Variants in EFCAB5 observed in about 807,000 individuals in gnomAD.
EFCAB5 encodes the protein EF-hand calcium-binding domain-containing protein 5.
EFCAB5 carries 131 observed loss-of-function variants against 167.9 expected under a neutral mutation model. The ratio of observed to expected loss-of-function variants is 0.78; its 90% CI spans 0.68 to 0.90. The LOEUF (loss-of-function observed/expected upper bound fraction) is 0.90, where lower values mean the gene tolerates loss of function less well. Among genes scored for constraint, EFCAB5 ranks in the 40% least tolerant of loss-of-function variants. The pLI is 0.00. For missense variants in EFCAB5, 1,663 were observed against 1,745.2 expected (o/e 0.95, Z 0.84); for synonymous variants, 574 against 602.8 (o/e 0.95, Z 0.70).
At chr17:29,954,966 G>T (rs911636246) in intron 3 of EFCAB5, among the ~76,000 whole-genome samples, 1 of 152,158 alleles carries the variant, frequency 6.6e-6, no homozygotes. Context: ...TTTTGGACTT[G>T]CATGGAGCCT....
In EFCAB5 at chr17:30,053,881, G is replaced by C. The variant is rs373461188; in HGVS notation, c.1927G>C (p.Val643Leu). The change falls in exon 10 of 23, where the codon GTA (valine) becomes CTA (leucine). Residue 643 changes from valine (V) to leucine (L), a missense_variant. Physicochemically the swap from Val to Leu is conservative, Grantham distance 32 (BLOSUM62 1). Transcript: ENST00000394835. ...AAEQGSLRES[V>L]IEEPYQKSEQ... ...AGAACAGGGATCACTCAGAGAGTCA[G>C]TAATAGAAGAACCATACCAAAAATC... is the stretch of plus-strand genomic sequence containing the variant. 6.2e-7 allele frequency: 1 copy of C among 1,614,044 alleles called. No homozygotes were observed.
intron 22 of EFCAB5, among the ~76,000 whole-genome samples, chr17:30,101,786 C>T (rs920453896): frequency 6.6e-6 from 1 of 152,136 alleles, no homozygotes; most frequent in Non-Finnish European, 1.5e-5. Context: ...GGAGAGATAA[C>T]AGCAGGTTTC....
intron 22 of EFCAB5, among the ~76,000 whole-genome samples, chr17:30,104,803 G>A (rs1046213122): frequency 1.3e-5 from 2 of 152,022 alleles, no homozygotes. Context: ...AGGAACCACC[G>A]TCCAGACACT....
chr17:29,973,627 G>GCCA (rs1414828420), intron 4 of EFCAB5, among the ~76,000 whole-genome samples: 1 of 150,788 alleles, frequency 6.6e-6, no homozygotes, highest in Non-Finnish European at 1.5e-5. Flanking sequence ...ACAGGCACCC[G>GCCA]CCACTACACC....
At chr17:29,934,169 C>G (rs767357936) in intron 1 of EFCAB5, among the ~76,000 whole-genome samples, 1 of 152,056 alleles carries the variant, frequency 6.6e-6, no homozygotes, top group Non-Finnish European at 1.5e-5. Flanking sequence ...TTGAATGAGA[C>G]AGTTTAACAG....
chr17:29,952,996 T>C (rs1423943501), intron 3 of EFCAB5, among the ~76,000 whole-genome samples: 1 of 152,188 alleles, frequency 6.6e-6, no homozygotes, highest in Non-Finnish European at 1.5e-5. Context: ...TCTTAATAAC[T>C]ACTTTCCAGT....
At chr17:29,949,239 T>C (rs2067461533) in intron 3 of EFCAB5, among the ~76,000 whole-genome samples, 1 of 152,212 alleles carries the variant, frequency 6.6e-6, no homozygotes, top group African/African-American at 2.4e-5. Flanking sequence ...CTGAAAATGA[T>C]AAAAGTCATT....
chr17:30,045,971 G>C (rs2069917777), intron 8 of EFCAB5, among the ~76,000 whole-genome samples: 1 of 152,128 alleles, frequency 6.6e-6, no homozygotes, highest in South Asian at 2.1e-4. Flanking sequence ...GAGCCCAGAA[G>C]TTAGAGGTTA....
At chr17:30,087,291 AATTTT>A (rs753687548) in intron 19 of EFCAB5, 125 bp downstream of exon 19, 58 of 693,542 alleles carry the variant, frequency 8.4e-5, no homozygotes, top group East Asian at 5.4e-4. Context: ...TTTTTAATTT[AATTTT>A]ATTTTATTTT....
In EFCAB5 at chr17:29,943,652, A is replaced by G. The variant is rs368139026; in HGVS notation, c.190+3A>G. 6.4e-6 allele frequency: 10 copies of G among 1,567,082 alleles called. No homozygotes were observed. Among genetic ancestry groups the G allele is most frequent in the African/African-American group, 2.7e-5 (2 of 73,756 alleles). On this transcript the variant is annotated splice_donor_region_variant and intron_variant, in intron 3 of 22. Transcript: ENST00000394835. The stretch of plus-strand genomic sequence containing the variant: ...AATGGATGAAATCAAATCCCAAGGT[A>G]GAGAACTAGCCTTTCTCTTATACAA...
At chr17:30,090,747 AAAT>A in intron 20 of EFCAB5, 73 bp downstream of exon 20, 2 of 1,507,768 alleles carry the variant, frequency 1.3e-6, no homozygotes, top group Non-Finnish European at 1.8e-6. Flanking sequence ...GAGTGCAATG[AAAT>A]ATGCACTTTC....
intron 14 of EFCAB5, among the ~76,000 whole-genome samples, chr17:30,062,526 G>T (rs1321050682): frequency 6.6e-6 from 1 of 152,196 alleles, no homozygotes; most frequent in Non-Finnish European, 1.5e-5. Context: ...GCTGCCTCTA[G>T]ACCACATACC....
chr17:29,952,600 T>C (rs2067534574), intron 3 of EFCAB5, among the ~76,000 whole-genome samples: 1 of 152,094 alleles, frequency 6.6e-6, no homozygotes, highest in South Asian at 2.1e-4. Context: ...CCTATACCTT[T>C]CAATATAGAT....
At chr17:30,104,576 G>C (rs1468217616) in intron 22 of EFCAB5, among the ~76,000 whole-genome samples, 1 of 151,878 alleles carries the variant, frequency 6.6e-6, no homozygotes, top group African/African-American at 2.4e-5. Flanking sequence ...TTATTTCTAT[G>C]GTTATAAAAG....
intron 3 of EFCAB5, chr17:29,968,372 G>A (rs1390517528): frequency 2.2e-6 from 1 of 450,406 alleles, no homozygotes; most frequent in Admixed American, 2.4e-5. Flanking sequence ...CAGATGAAAT[G>A]TAAAGGGAAG....
At chr17:29,992,738 T>A (rs1258510305) in intron 4 of EFCAB5, among the ~76,000 whole-genome samples, 1 of 152,204 alleles carries the variant, frequency 6.6e-6, no homozygotes, top group Non-Finnish European at 1.5e-5. Context: ...ATGAATAGTG[T>A]CACAGTGAAC....
chr17:29,950,934 A>G (rs559187800), intron 3 of EFCAB5, among the ~76,000 whole-genome samples: 100 of 152,344 alleles, frequency 6.6e-4, no homozygotes, highest in African/African-American at 2.2e-3. Flanking sequence ...TATAGACTTG[A>G]ATGAATTCCT....
chr17:30,061,888 G>A (rs1412234294), intron 14 of EFCAB5, among the ~76,000 whole-genome samples: 5 of 152,066 alleles, frequency 3.3e-5, no homozygotes, highest in African/African-American at 1.2e-4. Context: ...TTTTATTCCT[G>A]TCTAATACAG....
intron 3 of EFCAB5, among the ~76,000 whole-genome samples, chr17:29,954,490 G>A (rs1346126166): frequency 2.6e-5 from 4 of 152,196 alleles, no homozygotes; most frequent in Non-Finnish European, 5.9e-5. Context: ...ACATGGTGCT[G>A]GGCCTGTGGG....
Sources: allele counts gnomAD v4.1 joint callset (sites outside exome capture counted in the v4.1 genomes callset), GRCh38; gene constraint gnomAD v4.1.1; transcripts MANE v1.5; gene names NCBI Gene and HGNC (gene_info 2026-07-23, HGNC 2026-07-21).